The following RERE variants were observed in gnomAD, a reference collection of about 807,000 sequenced individuals.
RERE encodes the protein arginine-glutamic acid dipeptide repeats protein.
A neutral mutation model predicts 146.1 loss-of-function variants in RERE; 40 were observed. The observed-to-expected ratio is 0.27, with a 90% CI of 0.21 to 0.36. The LOEUF (loss-of-function observed/expected upper bound fraction) is 0.36, where lower values mean the gene tolerates loss of function less well. RERE is among the 10% of genes least tolerant of loss of function. RERE has a pLI of 1.00. For missense variants in RERE, 1,933 were observed against 2,138.7 expected (o/e 0.90, Z 1.90); for synonymous variants, 1,003 against 866.0 (o/e 1.16, Z -2.78).
Position 8,354,129 on chromosome 1 carries a change from C to A in RERE, c.*958G>T, listed in dbSNP as rs764821168. 1.3e-5 allele frequency: 2 copies of A among 152,450 alleles called. No individual in the cohort carries two copies. Among genetic ancestry groups the A allele is most frequent in the Non-Finnish European group, 2.9e-5 (2 of 68,054 alleles). The allele number at this position is 152,450 out of a possible 1,614,324, so 9.4% of individuals were successfully genotyped here. On this transcript the variant is annotated 3_prime_UTR_variant, in exon 23 of 23. Transcript: ENST00000400908. ...AATCTACAATGGACACAGGCCCATGCGCTTTCCATCCCGTGGAAACAGAAC... is the reference window on the plus strand; with the variant it reads ...AATCTACAATGGACACAGGCCCATGAGCTTTCCATCCCGTGGAAACAGAAC...
At chr1:8,512,478 T>C (rs977456423) in intron 7 of RERE, among the ~76,000 whole-genome samples, 2 of 151,860 alleles carry the variant, frequency 1.3e-5, no homozygotes, top group African/African-American at 4.8e-5. Flanking sequence ...CCAGAATCTG[T>C]CTCTTGTTTC....
At chr1:8,451,681 G>A (rs1173607013) in intron 11 of RERE, among the ~76,000 whole-genome samples, 2 of 152,130 alleles carry the variant, frequency 1.3e-5, no homozygotes, top group African/African-American at 2.4e-5. Flanking sequence ...TCTCTCACTA[G>A]GGGCATAGTC....
chr1:8,794,864 G>A (rs1040364352), intron 1 of RERE, among the ~76,000 whole-genome samples: 3 of 152,284 alleles, frequency 2.0e-5, no homozygotes, highest in South Asian at 2.1e-4. Flanking sequence ...CCAGGTTGGA[G>A]TGCAGTGGTG....
chr1:8,756,603 G>C (rs371253437), intron 1 of RERE, among the ~76,000 whole-genome samples: 1 of 152,074 alleles, frequency 6.6e-6, no homozygotes, highest in African/African-American at 2.4e-5. Context: ...CTATAATTCT[G>C]TCCTTTTTAT....
At chr1:8,580,310 T>A (rs758105146) in intron 4 of RERE, among the ~76,000 whole-genome samples, 4 of 152,186 alleles carry the variant, frequency 2.6e-5, no homozygotes, top group Admixed American at 1.3e-4. Flanking sequence ...GTCCACAGCA[T>A]AACCAGTTTA....
chr1:8,777,299 G>C (rs1027435809), intron 1 of RERE, among the ~76,000 whole-genome samples: 24 of 152,152 alleles, frequency 1.6e-4, no homozygotes, highest in African/African-American at 5.8e-4. Flanking sequence ...ATACTATCAA[G>C]TGTCATCAAA....
chr1:8,707,626 AC>A (rs778988942), intron 1 of RERE, among the ~76,000 whole-genome samples: 2 of 152,226 alleles, frequency 1.3e-5, no homozygotes, highest in African/African-American at 2.4e-5. Context: ...GAGACAATCA[AC>A]ATTCTTTCCT....
intron 2 of RERE, among the ~76,000 whole-genome samples, chr1:8,629,537 G>C (rs1647011188): frequency 6.6e-6 from 1 of 152,102 alleles, no homozygotes; most frequent in Non-Finnish European, 1.5e-5. Context: ...AAATCAGCAG[G>C]TTTATGTAAA....
intron 1 of RERE, among the ~76,000 whole-genome samples, chr1:8,748,580 A>G (rs1569704251): frequency 6.6e-6 from 1 of 152,242 alleles, no homozygotes; most frequent in African/African-American, 2.4e-5. Flanking sequence ...AACAGAGCCA[A>G]AAGTGTCAAG....
rs773093153 is a variant in RERE, at chr1:8,361,753, C to T, written c.2016+10G>A. The T allele has an allele frequency of 2.6e-5, 42 of 1,605,002 alleles. No homozygotes were observed. Among genetic ancestry groups the T allele is most frequent in the Non-Finnish European group, 3.6e-5 (42 of 1,171,930 alleles). ...AGCTTTACTCAGCAAGGCTCAGCAG[C>T]AAACCTCACCTGCGTTTTTGTCTTC... On this transcript the variant is annotated intron_variant, in intron 17 of 22. Coordinates refer to ENST00000400908, the MANE Select transcript of RERE (RefSeq NM_001042681.2).
chr1:8,461,169 A>T (rs532347229), intron 11 of RERE, among the ~76,000 whole-genome samples: 1 of 151,672 alleles, frequency 6.6e-6, no homozygotes, highest in South Asian at 2.1e-4. Flanking sequence ...TGTGTTCATC[A>T]TGTTTAATTA....
intron 1 of RERE, among the ~76,000 whole-genome samples, chr1:8,679,365 G>A (rs536182236): frequency 3.3e-5 from 5 of 152,124 alleles, no homozygotes; most frequent in African/African-American, 9.6e-5. Flanking sequence ...AACGTGACCC[G>A]AGGAAAAAAG....
chr1:8,390,672 A>AT (rs202156017), intron 12 of RERE, among the ~76,000 whole-genome samples: 2,286 of 152,300 alleles, frequency 0.015, 58 homozygotes, highest in African/African-American at 0.052. Context: ...TTAAAAAATC[A>AT]TATTTATCCA....
chr1:8,416,586 C>CAA (rs5772324), intron 12 of RERE, among the ~76,000 whole-genome samples: 2,085 of 105,582 alleles, frequency 0.02, 82 homozygotes, highest in Admixed American at 0.093. Flanking sequence ...ACTCCATCTC[C>CAA]AAAAAAAAAA....
intron 12 of RERE, among the ~76,000 whole-genome samples, chr1:8,394,947 T>C (rs1261884986): frequency 2.6e-5 from 4 of 152,246 alleles, no homozygotes; most frequent in African/African-American, 9.6e-5. Context: ...GTCTTTCCCA[T>C]AGAAACTCAA....
At chr1:8,561,729 T>C (rs1375175677) in intron 4 of RERE, among the ~76,000 whole-genome samples, 1 of 152,232 alleles carries the variant, frequency 6.6e-6, no homozygotes, top group Non-Finnish European at 1.5e-5. Context: ...AGCTGGCCAC[T>C]GCTATAATAC....
chr1:8,355,351 G>A (rs1641247275), intron 22 of RERE, 68 bp downstream of exon 22: 29 of 1,538,576 alleles, frequency 1.9e-5, no homozygotes, highest in Non-Finnish European at 2.5e-5. Context: ...CCTGGCCCTG[G>A]GCACACGGGG....
chr1:8,532,112 T>C (rs1344791524), intron 7 of RERE, among the ~76,000 whole-genome samples: 1 of 152,230 alleles, frequency 6.6e-6, no homozygotes, highest in Non-Finnish European at 1.5e-5. Context: ...TCTTCTTCTA[T>C]ATGTCGAAGA....
At chr1:8,449,491 C>T (rs945887520) in intron 11 of RERE, among the ~76,000 whole-genome samples, 2 of 152,100 alleles carry the variant, frequency 1.3e-5, no homozygotes, top group African/African-American at 2.4e-5. Flanking sequence ...TAATCTTTCC[C>T]CCAATCCAAA....
Sources: allele counts gnomAD v4.1 joint callset (sites outside exome capture counted in the v4.1 genomes callset), GRCh38; gene constraint gnomAD v4.1.1; transcripts MANE v1.5; gene names NCBI Gene and HGNC (gene_info 2026-07-23, HGNC 2026-07-21).